OTULIN: variants seen among roughly 807,000 people sequenced by gnomAD.
OTULIN encodes the protein OTU deubiquitinase with linear linkage specificity.
A neutral mutation model predicts 39.6 loss-of-function variants in OTULIN; 15 were observed. The ratio of observed to expected loss-of-function variants is 0.38; its 90% CI spans 0.25 to 0.58. The LOEUF (loss-of-function observed/expected upper bound fraction) is 0.58. OTULIN is among the 20% of genes least tolerant of loss of function. OTULIN has a pLI of 0.66. For missense variants in OTULIN, 319 were observed against 445.9 expected, an observed-to-expected ratio of 0.72 and a Z score of 2.56; for synonymous variants, 156 against 170.3, an observed-to-expected ratio of 0.92 and a Z score of 0.65.
intron 3 of OTULIN, among the ~76,000 whole-genome samples, chr5:14,679,215 C>T (rs993791732): frequency 4.6e-5 from 7 of 152,210 alleles, no homozygotes; most frequent in African/African-American, 1.7e-4. Flanking sequence ...ACTCCCTACA[C>T]AGGGGAATCA....
In OTULIN at chr5:14,680,226, C is replaced by T. The variant is rs983239253; in HGVS notation, c.325-1238C>T. 3.3e-5 allele frequency among the ~76,000 whole-genome samples: 5 copies of T among 152,236 alleles called. No individual in the cohort carries two copies. The East Asian group carries it at 9.6e-4, about 29-fold the overall frequency. ...TAATTATTAGTAGGTGTGATTCTGC[C>T]TGATGGAACCTTATGTGTTACAGTG... is the stretch of plus-strand genomic sequence containing the variant. On this transcript the variant is annotated intron_variant, in intron 3 of 6. Coordinates refer to ENST00000284274, the MANE Select transcript of OTULIN (RefSeq NM_138348.6).
the OTULIN span, chr5:14,706,193 G>A: frequency 6.6e-6 from 1 of 152,120 alleles, no homozygotes; most frequent in African/African-American, 2.4e-5. Flanking sequence ...AAGTTATGTA[G>A]CCTAACTTAA....
rs571733415 is a variant in OTULIN at position 14,697,575 on chromosome 5, T to C, written c.*4527T>C. 2.6e-5 allele frequency: 4 copies of C among 152,278 alleles called. No homozygotes were observed. Among genetic ancestry groups the C allele is most frequent in the African/African-American group, 9.6e-5 (4 of 41,542 alleles). 9.4% of individuals were successfully genotyped at this position (152,278 alleles called of 1,614,324 possible). A position where few individuals can be genotyped will look rare whatever the true frequency, so the allele number is the denominator to read the frequency against. On this transcript the variant is annotated 3_prime_UTR_variant, in exon 7 of 7. Transcript: ENST00000284274. ...AATGGAAATAGATAGAGTGGTTAAGTCTAGAAACACATACATTAATTGTAT... is the reference window on the plus strand; with the variant it reads ...AATGGAAATAGATAGAGTGGTTAAGCCTAGAAACACATACATTAATTGTAT...
intron 4 of OTULIN, among the ~76,000 whole-genome samples, chr5:14,684,776 T>C (rs923441606): frequency 6.6e-6 from 1 of 152,236 alleles, no homozygotes; most frequent in Non-Finnish European, 1.5e-5. Context: ...CTGGGAAAGC[T>C]AGACTGAGTG....
chr5:14,665,064 G>C (rs1393247486), intron 1 of OTULIN, 87 bp downstream of exon 1: 2 of 821,870 alleles, frequency 2.4e-6, no homozygotes, highest in African/African-American at 1.3e-4. Flanking sequence ...AGTCGTCAGC[G>C]GAGGGTCCTG....
intron 6 of OTULIN, among the ~76,000 whole-genome samples, chr5:14,692,624 C>G (rs1371583296): frequency 6.8e-6 from 1 of 146,204 alleles, no homozygotes; most frequent in African/African-American, 2.5e-5. Context: ...TGTAAAAGTT[C>G]TTTATTCTGG....
At chr5:14,685,241 T>G (rs936419255) in intron 4 of OTULIN, among the ~76,000 whole-genome samples, 3 of 152,220 alleles carry the variant, frequency 2.0e-5, no homozygotes, top group East Asian at 1.9e-4. Flanking sequence ...TATTATTTGC[T>G]TTCTGTTGTG....
chr5:14,688,667 A>G (rs1736447800), intron 5 of OTULIN, among the ~76,000 whole-genome samples: 1 of 152,168 alleles, frequency 6.6e-6, no homozygotes, highest in Non-Finnish European at 1.5e-5. Flanking sequence ...CTTTTACTAT[A>G]AAGAAATGGG....
chr5:14,668,251 T>C (rs1231738164), intron 1 of OTULIN, among the ~76,000 whole-genome samples: 4 of 152,156 alleles, frequency 2.6e-5, no homozygotes, highest in Non-Finnish European at 5.9e-5. Context: ...AAGTCCACTT[T>C]CTCCCAACCT....
the OTULIN span, chr5:14,711,192 G>A: frequency 3.1e-6 from 5 of 1,611,254 alleles, no homozygotes; most frequent in East Asian, 2.2e-5. Flanking sequence ...ATGGCGTCCC[G>A]TGCCTTATTC....
the OTULIN span, chr5:14,706,969 C>T: frequency 8.0e-4 from 122 of 152,320 alleles, 1 homozygote; most frequent in African/African-American, 2.8e-3. Flanking sequence ...CAACACTCCA[C>T]GTCTTTCAAA....
rs1736759953 is a variant in OTULIN, at chr5:14,699,811, A to G, written c.*6763A>G. 1.3e-5 allele frequency: 2 copies of G among 152,304 alleles called. No individual in the cohort carries two copies. The highest frequency in any genetic ancestry group is 4.8e-5 in the African/African-American group (2 of 41,558). The allele number at this position is 152,304 out of a possible 1,614,324, so 9.4% of individuals were successfully genotyped here. The stretch of plus-strand genomic sequence containing the variant: ...GGGCATTCTTTCTGTAGTTTCTCTG[A>G]ATTTTCTGTCTCACCTCCTCACCCC... On this transcript the variant is annotated 3_prime_UTR_variant, in exon 7 of 7. Transcript: ENST00000284274.
At chr5:14,687,706 G>C (rs1736421423) in intron 5 of OTULIN, 60 bp downstream of exon 5, 1 of 1,509,542 alleles carries the variant, frequency 6.6e-7, no homozygotes, top group Admixed American at 2.4e-5. Context: ...GCTTGCCCCA[G>C]AAGACCAGTT....
At chr5:14,711,208 C>T in the OTULIN span, 4 of 1,614,016 alleles carry the variant, frequency 2.5e-6, no homozygotes, top group Middle Eastern at 1.6e-4. Flanking sequence ...TATTCATTCT[C>T]CTCTCTCATT....
chr5:14,683,091 G>A (rs1315709003), intron 4 of OTULIN, among the ~76,000 whole-genome samples: 1 of 152,182 alleles, frequency 6.6e-6, no homozygotes, highest in Non-Finnish European at 1.5e-5. Context: ...TAATACACCA[G>A]CATAAAATCA....
intron 3 of OTULIN, among the ~76,000 whole-genome samples, chr5:14,679,179 G>T (rs1016491356): frequency 1.3e-5 from 2 of 152,084 alleles, no homozygotes; most frequent in African/African-American, 2.4e-5. Flanking sequence ...CACACCCTCT[G>T]GTCCTGGGGC....
intron 6 of OTULIN, among the ~76,000 whole-genome samples, chr5:14,692,569 C>T (rs1410637098): frequency 6.6e-6 from 1 of 151,896 alleles, no homozygotes; most frequent in African/African-American, 2.4e-5. Flanking sequence ...AGATCCTTTG[C>T]CTAATTTTTA....
chr5:14,700,948 G>A (rs1469232013), downstream of OTULIN, among the ~76,000 whole-genome samples: 1 of 152,154 alleles, frequency 6.6e-6, no homozygotes, highest in Non-Finnish European at 1.5e-5. Flanking sequence ...TCGCATCTGT[G>A]TGAGAGTGAA....
At chr5:14,714,417 T>C in the OTULIN span, among the ~76,000 whole-genome samples, 2 of 152,336 alleles carry the variant, frequency 1.3e-5, no homozygotes, top group South Asian at 4.1e-4. Context: ...CTGGAAAGGC[T>C]TGAGGACGCG....
Sources: gnomAD v4.1 joint callset for allele counts (sites outside exome capture counted in the v4.1 genomes callset) on GRCh38, gnomAD v4.1.1 for gene constraint, MANE v1.5 for transcripts, NCBI Gene and HGNC (gene_info 2026-07-23, HGNC 2026-07-21) for gene names.